EVC2: variants seen among roughly 807,000 people sequenced by gnomAD.
EVC2 encodes limbin.
EVC2 carries 148 observed loss-of-function variants against 149.3 expected under a neutral mutation model. The ratio of observed to expected loss-of-function variants is 0.99; its 90% confidence interval spans 0.87 to 1.14. The LOEUF (loss-of-function observed/expected upper bound fraction) is 1.14, where lower values mean the gene tolerates loss of function less well. Among genes scored for constraint, EVC2 ranks in the 50% most tolerant of loss-of-function variants. The pLI, the probability that EVC2 is intolerant of heterozygous loss-of-function variation, is 0.00. For synonymous variants in EVC2, 776 were observed against 649.9 expected, an observed-to-expected ratio of 1.19 and a Z score of -2.95; for missense variants, 1,854 against 1,627.3, an observed-to-expected ratio of 1.14 and a Z score of -2.40.
chr4:5,694,409 A>T lies in EVC2; in HGVS notation c.376T>A (p.Ser126Thr). ...CAGGAGGGTATAAAAGCAAATAAGG[A>T]ATGAGCCCATGGCCCACTAGAGGCT... ...SAASSGPWAH[S>T]LFAFIPSWPK... Residue 126 changes from serine (S) to threonine (T), a missense_variant, in exon 3 of 22, where the codon TCC (serine) becomes ACC (threonine). Coordinates refer to ENST00000344408, the MANE Select transcript of EVC2 (RefSeq NM_147127.5). 6.2e-7 allele frequency: 1 copy of T among 1,614,184 alleles called. No individual in the cohort carries two copies. The highest frequency in any genetic ancestry group is 8.5e-7 in the Non-Finnish European group (1 of 1,180,034).
At chr4:5,568,668 A>G (rs901887395) in intron 19 of EVC2, 28 bp from the exon 20 acceptor site, 74 of 1,592,736 alleles carry the variant, frequency 4.6e-5, no homozygotes, top group Non-Finnish European at 5.4e-5. Context: ...GGGAGTTCAG[A>G]CCCTCGCCGC....
intron 16 of EVC2, among the ~76,000 whole-genome samples, chr4:5,604,965 C>G (rs980687515): frequency 6.6e-6 from 1 of 151,874 alleles, no homozygotes; most frequent in African/African-American, 2.4e-5. Context: ...TCCTCCTCCT[C>G]AGCCTATTCA....
rs1411529457 is a variant in EVC2 at position 5,677,959 on chromosome 4, G to A, written c.870+3301C>T. The stretch of plus-strand genomic sequence containing the variant: ...GCTCTCTGGGAGGCGGTGTGGTCCA[G>A]TGCCTGACAGCAGGGCTCTGGAGCC... On this transcript the variant is annotated intron_variant, in intron 7 of 21. Transcript: ENST00000344408. This position sits in a 1 kb window ranked among gnomAD's most constrained non-coding sequence, Gnocchi z 4.3. Among the ~76,000 whole-genome samples, 1 of 152,204 alleles carries A rather than the reference G, an allele frequency of 6.6e-6. No individual in the cohort carries two copies. Among genetic ancestry groups the A allele is most frequent in the African/African-American group, 2.4e-5 (1 of 41,452 alleles).
intron 16 of EVC2, among the ~76,000 whole-genome samples, chr4:5,588,682 A>G (rs930611729): frequency 1.3e-5 from 2 of 152,162 alleles, no homozygotes; most frequent in Non-Finnish European, 2.9e-5. Context: ...GTGTGTGTGT[A>G]TATTCAAATC....
At chr4:5,684,572 A>T (rs1560222895) in intron 6 of EVC2, among the ~76,000 whole-genome samples, 4 of 67,022 alleles carry the variant, frequency 6.0e-5, no homozygotes. Flanking sequence ...TCCAGCCTGT[A>T]CCCGGGGTGT....
chr4:5,698,923 C>T (rs1577270838), intron 1 of EVC2, among the ~76,000 whole-genome samples: 2 of 152,246 alleles, frequency 1.3e-5, no homozygotes, highest in Non-Finnish European at 2.9e-5. Flanking sequence ...TCACATGGCT[C>T]TCACGCGGGC....
At chr4:5,599,336 G>A (rs1334711157) in intron 16 of EVC2, among the ~76,000 whole-genome samples, 1 of 152,028 alleles carries the variant, frequency 6.6e-6, no homozygotes, top group East Asian at 1.9e-4. Context: ...GGCCAACAAT[G>A]ATAGACTGGA....
downstream of EVC2, among the ~76,000 whole-genome samples, chr4:5,539,207 C>A (rs1217612383): frequency 6.6e-6 from 1 of 152,062 alleles, no homozygotes; most frequent in Non-Finnish European, 1.5e-5. Context: ...TAGTAGTATT[C>A]CAATACTTAA....
At chr4:5,615,332 A>G in intron 16 of EVC2, 90 bp downstream of exon 16, 1 of 1,593,606 alleles carries the variant, frequency 6.3e-7, no homozygotes, top group Non-Finnish European at 8.6e-7. Flanking sequence ...GCACAGCCCC[A>G]AGGGCTCTGT....
intron 3 of EVC2, among the ~76,000 whole-genome samples, chr4:5,693,004 C>T (rs1303587733): frequency 6.6e-6 from 1 of 152,206 alleles, no homozygotes; most frequent in African/African-American, 2.4e-5. Context: ...ACTACACCCC[C>T]GCTAATGCCT....
rs1306256027 is a variant in EVC2, at chr4:5,576,663, T to C, written c.3058-209A>G. On this transcript the variant is annotated intron_variant, in intron 17 of 21. Transcript: ENST00000344408. This position sits in a 1 kb window ranked among gnomAD's most constrained non-coding sequence, Gnocchi z 4.5. The stretch of plus-strand genomic sequence containing the variant: ...CCATGCCTCCACATAGGCCGTTCCC[T>C]CCACCTGCAGTGCCTTTCTCTGTCT... 6.6e-6 allele frequency among the ~76,000 whole-genome samples: 1 copy of C among 152,160 alleles called. No individual in the cohort carries two copies. The highest frequency in any genetic ancestry group is 1.5e-5 in the Non-Finnish European group (1 of 68,022).
At chr4:5,666,761 C>A (rs970200294) in intron 7 of EVC2, among the ~76,000 whole-genome samples, 1 of 152,118 alleles carries the variant, frequency 6.6e-6, no homozygotes, top group African/African-American at 2.4e-5. Context: ...TTTCTTGGAT[C>A]CCATTTCTTC....
At chr4:5,579,076 G>A (rs992571051) in intron 17 of EVC2, among the ~76,000 whole-genome samples, 1 of 152,138 alleles carries the variant, frequency 6.6e-6, no homozygotes, top group African/African-American at 2.4e-5. Context: ...AGTGGTGAAA[G>A]GTGGGATTTT....
intron 16 of EVC2, among the ~76,000 whole-genome samples, chr4:5,595,635 T>A (rs373438134): frequency 6.6e-6 from 1 of 152,116 alleles, no homozygotes; most frequent in Non-Finnish European, 1.5e-5. Flanking sequence ...TAAAGACCAT[T>A]GAGGCTAGGA....
intron 9 of EVC2, among the ~76,000 whole-genome samples, chr4:5,653,585 G>A (rs1395666995): frequency 6.6e-6 from 1 of 152,196 alleles, no homozygotes; most frequent in Non-Finnish European, 1.5e-5. Context: ...CCTCTGGACA[G>A]AAAAGGGGCA....
chr4:5,596,504 A>G (rs1713433287), intron 16 of EVC2, among the ~76,000 whole-genome samples: 2 of 152,206 alleles, frequency 1.3e-5, no homozygotes, highest in African/African-American at 4.8e-5. Context: ...AGAAATAAAG[A>G]TGTTCTTTGA....
At chr4:5,607,268 G>A (rs1714466565) in intron 16 of EVC2, among the ~76,000 whole-genome samples, 1 of 152,072 alleles carries the variant, frequency 6.6e-6, no homozygotes, top group African/African-American at 2.4e-5. Flanking sequence ...GAAAACAATT[G>A]TAAAATTTCA....
chr4:5,706,437 G>GATACATACATACATAC (rs1371530984), intron 1 of EVC2, among the ~76,000 whole-genome samples: 2 of 41,058 alleles, frequency 4.9e-5, no homozygotes, highest in African/African-American at 8.1e-5. Context: ...TACATAGATA[G>GATACATACATACATAC]ATAGATAGAT....
intron 19 of EVC2, among the ~76,000 whole-genome samples, chr4:5,573,391 A>G (rs1407621737): frequency 6.6e-6 from 1 of 152,174 alleles, no homozygotes; most frequent in Non-Finnish European, 1.5e-5. Context: ...GGAGGATGGA[A>G]GAAGGGCCAG....
Sources: allele counts gnomAD v4.1 joint callset (sites outside exome capture counted in the v4.1 genomes callset), GRCh38; gene constraint gnomAD v4.1.1; non-coding constraint Gnocchi (gnomAD v3.1); transcripts MANE v1.5; gene names NCBI Gene and HGNC (gene_info 2026-07-23, HGNC 2026-07-21).